The following KANK1 variants were observed in gnomAD, a reference collection of about 807,000 sequenced individuals.
The protein encoded by KANK1 is KN motif and ankyrin repeat domain-containing protein 1.
Under a neutral mutation model 106.2 loss-of-function variants are expected in KANK1, and 109 were observed. That is an observed-to-expected ratio of 1.03 (90% confidence interval 0.88 to 1.20). The LOEUF (loss-of-function observed/expected upper bound fraction) is 1.20. KANK1 is among the 50% of genes most tolerant of loss of function. The probability of loss-of-function intolerance (pLI) is 0.00; values close to 1 mark genes in which losing one functional copy is unlikely to be tolerated. For synonymous variants in KANK1, 873 were observed against 652.2 expected (o/e 1.34, Z -5.16); for missense variants, 2,399 against 1,710.7 (o/e 1.40, Z -7.10).
intron 1 of KANK1, among the ~76,000 whole-genome samples, chr9:621,618 T>C (rs1833160845): frequency 1.3e-5 from 2 of 152,134 alleles, no homozygotes; most frequent in Admixed American, 6.5e-5. Flanking sequence ...AACTTGATAA[T>C]CCATTTCTGC....
At chr9:705,670 C>T (rs1190986991) in intron 2 of KANK1, among the ~76,000 whole-genome samples, 2 of 151,628 alleles carry the variant, frequency 1.3e-5, no homozygotes, top group Non-Finnish European at 2.9e-5. Context: ...GTGATCTTGG[C>T]TCACTGCAAC....
intron 1 of KANK1, among the ~76,000 whole-genome samples, chr9:523,949 G>A (rs1172496088): frequency 6.6e-6 from 1 of 151,640 alleles, no homozygotes; most frequent in African/African-American, 2.4e-5. Flanking sequence ...TGGTTTGCTG[G>A]TTGGTGGTAC....
At chr9:535,011 C>G (rs2060232940) in intron 1 of KANK1, among the ~76,000 whole-genome samples, 1 of 152,124 alleles carries the variant, frequency 6.6e-6, no homozygotes, top group African/African-American at 2.4e-5. Flanking sequence ...CCCCCTTTGC[C>G]CCTCCTGCTG....
intron 2 of KANK1, among the ~76,000 whole-genome samples, chr9:709,143 A>G (rs80087983): frequency 6.6e-6 from 1 of 152,222 alleles, no homozygotes; most frequent in African/African-American, 2.4e-5. Flanking sequence ...TGTTTTGTCC[A>G]AAAGGAGTCA....
intron 1 of KANK1, among the ~76,000 whole-genome samples, chr9:667,777 G>C (rs2138426050): frequency 7.1e-6 from 1 of 139,904 alleles, no homozygotes; most frequent in South Asian, 2.2e-4. Flanking sequence ...GTCTCCCTCT[G>C]TCATCCAGGC....
At chr9:706,127 G>T (rs1824092862) in intron 2 of KANK1, among the ~76,000 whole-genome samples, 1 of 152,292 alleles carries the variant, frequency 6.6e-6, no homozygotes, top group East Asian at 1.9e-4. Context: ...ACAATTGTTT[G>T]TGAAAATGAC....
At chr9:640,573 T>C (rs1838191449) in intron 1 of KANK1, among the ~76,000 whole-genome samples, 1 of 151,944 alleles carries the variant, frequency 6.6e-6, no homozygotes, top group South Asian at 2.1e-4. Flanking sequence ...AATTTTTGTA[T>C]TTTTGTACAG....
upstream of KANK1, among the ~76,000 whole-genome samples, chr9:501,000 A>T (rs1184935688): frequency 1.3e-5 from 2 of 152,202 alleles, no homozygotes; most frequent in Admixed American, 1.3e-4. Context: ...CTCCAAAGCT[A>T]TACTGAGAGT....
At chr9:685,318 A>G (rs529857040) in intron 2 of KANK1, among the ~76,000 whole-genome samples, 2 of 152,360 alleles carry the variant, frequency 1.3e-5, no homozygotes, top group Non-Finnish European at 2.9e-5. Context: ...ATTTAAAAAT[A>G]TATATAGTGA....
chr9:497,673 C>G (rs2132405848), intron 3 of KANK1, among the ~76,000 whole-genome samples: 1 of 152,188 alleles, frequency 6.6e-6, no homozygotes, highest in African/African-American at 2.4e-5. Context: ...GGAAACATGG[C>G]AAAACCTGTC....
At chr9:709,114 G>A (rs907343586) in intron 2 of KANK1, among the ~76,000 whole-genome samples, 1 of 152,170 alleles carries the variant, frequency 6.6e-6, no homozygotes. Context: ...ACAAAACAAG[G>A]TGTTCCTGGG....
Position 598,945 on chromosome 9 carries a change from T to G in KANK1, c.-83-77945T>G, listed in dbSNP as rs116155154. Among the ~76,000 whole-genome samples, 259 of 150,494 alleles carry G rather than the reference T, an allele frequency of 1.7e-3. 6 individuals carry two copies. Among genetic ancestry groups the G allele is most frequent in the African/African-American group, 6.0e-3 (245 of 40,768 alleles). ...CCATGCCCGGCCATCCCTAGGTATT[T>G]TATTCTTTATATGCAATTATAAATA... is the stretch of plus-strand genomic sequence containing the variant. On this transcript the variant is annotated intron_variant, in intron 1 of 11. Transcript: ENST00000382297.
Position 712,214 on chromosome 9 carries a change from G to T in KANK1, c.1448G>T (p.Arg483Leu). ...CAGCTTAGAGAAACCACCCATGACC[G>T]GGAGATGACTAAACTGAAACAAGAG... ...EVQLRETTHD[R>L]EMTKLKQELQ... The change falls in exon 3 of 12, where the codon CGG becomes CTG. Residue 483 changes from arginine (R) to leucine (L), a missense_variant. By Grantham distance (102) the Arg-to-Leu change is moderately radical. Transcript: ENST00000382297. 6.2e-7 allele frequency: 1 copy of T among 1,614,102 alleles called. No homozygotes were observed. Among genetic ancestry groups the T allele is most frequent in the Non-Finnish European group, 8.5e-7 (1 of 1,180,006 alleles).
At chr9:532,762 C>G (rs9407297) in intron 1 of KANK1, among the ~76,000 whole-genome samples, 62,067 of 151,904 alleles carry the variant, frequency 0.41, 14,653 homozygotes, top group African/African-American at 0.66. Flanking sequence ...AAAACTGCTT[C>G]AGTTTATTAT....
At chr9:628,840 A>C (rs926403099) in intron 1 of KANK1, among the ~76,000 whole-genome samples, 1 of 151,988 alleles carries the variant, frequency 6.6e-6, no homozygotes, top group African/African-American at 2.4e-5. Context: ...GCATTTTGGG[A>C]GGTCAAAGTG....
At chr9:724,105 A>G (rs1345021220) in intron 3 of KANK1, among the ~76,000 whole-genome samples, 1 of 152,196 alleles carries the variant, frequency 6.6e-6, no homozygotes, top group Admixed American at 6.5e-5. Context: ...CATATCAAAA[A>G]AAAAGACTAT....
intron 1 of KANK1, among the ~76,000 whole-genome samples, chr9:601,230 T>C (rs1297627450): frequency 1.3e-5 from 2 of 151,920 alleles, no homozygotes; most frequent in African/African-American, 2.4e-5. Flanking sequence ...TATTGAACTA[T>C]CGTTAATATA....
At chr9:492,617 T>C (rs2132322789) in intron 3 of KANK1, among the ~76,000 whole-genome samples, 1 of 152,340 alleles carries the variant, frequency 6.6e-6, no homozygotes, top group South Asian at 2.1e-4. Flanking sequence ...TATCATTATT[T>C]ATTATTATTT....
At chr9:542,624 C>A (rs547867287) in intron 1 of KANK1, among the ~76,000 whole-genome samples, 2 of 152,276 alleles carry the variant, frequency 1.3e-5, no homozygotes, top group South Asian at 4.1e-4. Context: ...CAGCATGATT[C>A]ACAATAGTCA....
Sources: allele counts gnomAD v4.1 joint callset (sites outside exome capture counted in the v4.1 genomes callset), GRCh38; gene constraint gnomAD v4.1.1; transcripts MANE v1.5; gene names NCBI Gene and HGNC (gene_info 2026-07-23, HGNC 2026-07-21).